GLRA1: variants seen among roughly 807,000 people sequenced by gnomAD.
The protein encoded by GLRA1 is glycine receptor subunit alpha-1.
A neutral mutation model predicts 48.3 loss-of-function variants in GLRA1; 37 were observed. The observed-to-expected ratio is 0.77, with a 90% CI of 0.59 to 1.01. The LOEUF (loss-of-function observed/expected upper bound fraction) is 1.01. GLRA1 is among the 50% of genes least tolerant of loss of function. GLRA1 has a pLI of 0.00. For synonymous variants in GLRA1, 196 were observed against 210.7 expected, an observed-to-expected ratio of 0.93 and a Z score of 0.60; for missense variants, 427 against 571.0, an observed-to-expected ratio of 0.75 and a Z score of 2.57.
intron 2 of GLRA1, among the ~76,000 whole-genome samples, chr5:151,890,904 C>T (rs1754049686): frequency 6.9e-6 from 1 of 145,190 alleles, no homozygotes; most frequent in African/African-American, 2.4e-5. Context: ...AGTGAAGGAG[C>T]CTCAAGGTAA....
chr5:151,923,836 G>A (rs1754937900), intron 1 of GLRA1, among the ~76,000 whole-genome samples: 1 of 152,082 alleles, frequency 6.6e-6, no homozygotes, highest in South Asian at 2.1e-4. Flanking sequence ...AGTTTCAAAA[G>A]GGAAATGTTT....
At chr5:151,903,296 A>G (rs557463451) in intron 1 of GLRA1, among the ~76,000 whole-genome samples, 1 of 152,342 alleles carries the variant, frequency 6.6e-6, no homozygotes, top group Non-Finnish European at 1.5e-5. Context: ...AATTTGGATT[A>G]AAACCTGAAG....
At chr5:151,881,563 C>T (rs1197839654) in intron 3 of GLRA1, among the ~76,000 whole-genome samples, 1 of 149,702 alleles carries the variant, frequency 6.7e-6, no homozygotes, top group Non-Finnish European at 1.5e-5. Context: ...CTCGAACTCC[C>T]GGGCTCAAGC....
At chr5:151,850,545 AG>A (rs779614966) in intron 7 of GLRA1, 6 of 1,138,976 alleles carry the variant, frequency 5.3e-6, no homozygotes, top group Admixed American at 1.7e-5. Context: ...TATGATCCCA[AG>A]GGAGGCCTGG....
chr5:151,895,192 G>C (rs1476915209), intron 1 of GLRA1, among the ~76,000 whole-genome samples: 1 of 152,130 alleles, frequency 6.6e-6, no homozygotes, highest in Admixed American at 6.5e-5. Context: ...GTGAATTTCT[G>C]TGTTCATGTG....
At chr5:151,881,099 C>T (rs1753749060) in intron 3 of GLRA1, among the ~76,000 whole-genome samples, 1 of 152,182 alleles carries the variant, frequency 6.6e-6, no homozygotes. Flanking sequence ...ATACACATGC[C>T]TATGTATGCC....
At chr5:151,849,202 T>TTCCTTCCTTCC (rs1752799312) in intron 7 of GLRA1, 1 of 94,398 alleles carries the variant, frequency 1.1e-5, no homozygotes, top group African/African-American at 5.1e-5. Context: ...CTTTCTTTTC[T>TTCCTTCCTTCC]TTCTTTCCTT....
At chr5:151,888,993 T>C (rs1040778812) in intron 2 of GLRA1, among the ~76,000 whole-genome samples, 1 of 152,170 alleles carries the variant, frequency 6.6e-6, no homozygotes, top group Non-Finnish European at 1.5e-5. Flanking sequence ...CAGGTTTTTT[T>C]TGTTGTTGCC....
chr5:151,841,051 A>C (rs1199088458), intron 7 of GLRA1, among the ~76,000 whole-genome samples: 1 of 152,092 alleles, frequency 6.6e-6, no homozygotes, highest in Non-Finnish European at 1.5e-5. Flanking sequence ...CCTATAGAAC[A>C]CTCCACACAG....
intron 3 of GLRA1, among the ~76,000 whole-genome samples, chr5:151,882,061 G>T (rs1753777285): frequency 6.6e-6 from 1 of 152,178 alleles, no homozygotes; most frequent in Non-Finnish European, 1.5e-5. Context: ...GTGTGTGTGT[G>T]TGTCCATGGG....
intron 7 of GLRA1, among the ~76,000 whole-genome samples, chr5:151,831,850 G>GT (rs761403426): frequency 3.3e-4 from 51 of 152,328 alleles, no homozygotes; most frequent in Non-Finnish European, 6.6e-4. Flanking sequence ...GCCTCCTGAT[G>GT]GAGAGACACC....
chr5:151,886,918 C>T (rs955864847), intron 2 of GLRA1, 130 bp from the exon 3 acceptor site: 1 of 738,576 alleles, frequency 1.4e-6, no homozygotes, highest in African/African-American at 1.7e-5. Context: ...TTGCTCTCCA[C>T]CCCACCCCCA....
At chr5:151,844,057 C>T (rs185180696) in intron 7 of GLRA1, among the ~76,000 whole-genome samples, 3 of 152,094 alleles carry the variant, frequency 2.0e-5, no homozygotes, top group Admixed American at 1.3e-4. Context: ...GTAATCCCAG[C>T]TACTGGGGAG....
chr5:151,894,148 TGC>T (rs1251879030), intron 1 of GLRA1, among the ~76,000 whole-genome samples: 3 of 152,092 alleles, frequency 2.0e-5, no homozygotes, highest in African/African-American at 7.2e-5. Flanking sequence ...TATGTGTGTG[TGC>T]GTGTGTGTGT....
chr5:151,853,675 T>A (rs1752966686), intron 6 of GLRA1, among the ~76,000 whole-genome samples: 1 of 152,218 alleles, frequency 6.6e-6, no homozygotes, highest in Non-Finnish European at 1.5e-5. Flanking sequence ...CTTCACTATC[T>A]TGATAGTGTC....
chr5:151,845,765 A>G (rs576190826), intron 7 of GLRA1, among the ~76,000 whole-genome samples: 2 of 152,262 alleles, frequency 1.3e-5, no homozygotes, highest in African/African-American at 4.8e-5. Flanking sequence ...TTGTACACAG[A>G]TGTTCACAGC....
At chr5:151,877,860 G>C (rs1753665423) in intron 3 of GLRA1, among the ~76,000 whole-genome samples, 1 of 152,168 alleles carries the variant, frequency 6.6e-6, no homozygotes, top group African/African-American at 2.4e-5. Context: ...TAAATGCCCA[G>C]TCTCAGGCAT....
At chr5:151,911,599 A>ATTT (rs1561581932) in intron 1 of GLRA1, among the ~76,000 whole-genome samples, 3 of 128,022 alleles carry the variant, frequency 2.3e-5, no homozygotes, top group African/African-American at 9.0e-5. Flanking sequence ...CCCAAGCTAG[A>ATTT]GTTTTTTTTT....
At chr5:151,864,339 G>A (rs141461001) in intron 3 of GLRA1, among the ~76,000 whole-genome samples, 1 of 152,324 alleles carries the variant, frequency 6.6e-6, no homozygotes, top group Non-Finnish European at 1.5e-5. Flanking sequence ...GGTCTGTTAG[G>A]CAGCAGGCGC....
Sources: allele counts gnomAD v4.1 joint callset (sites outside exome capture counted in the v4.1 genomes callset), GRCh38; gene constraint gnomAD v4.1.1; transcripts MANE v1.5; gene names NCBI Gene and HGNC (gene_info 2026-07-23, HGNC 2026-07-21).